The following FMNL2 variants were observed in gnomAD, a reference collection of about 807,000 sequenced individuals.
The protein encoded by FMNL2 is formin-like protein 2.
FMNL2 carries 51 observed loss-of-function variants against 130.2 expected under a neutral mutation model. The observed-to-expected ratio is 0.39, with a 90% CI of 0.31 to 0.49. The LOEUF (loss-of-function observed/expected upper bound fraction) is 0.49, where lower values mean the gene tolerates loss of function less well. Among genes scored for constraint, FMNL2 ranks in the 20% least tolerant of loss-of-function variants. The pLI is 0.85. For missense variants in FMNL2, 977 were observed against 1,316.2 expected, an observed-to-expected ratio of 0.74 and a Z score of 3.99; for synonymous variants, 465 against 467.1, an observed-to-expected ratio of 1.00 and a Z score of 0.06.
chr2:152,607,174 C>T (rs1302731356), intron 9 of FMNL2, among the ~76,000 whole-genome samples, 165 bp from the exon 10 acceptor site: 4 of 151,980 alleles, frequency 2.6e-5, no homozygotes. Flanking sequence ...GGTTGCAGCT[C>T]ATATGGCTGT....
At chr2:152,396,694 T>A (rs1424254719) in intron 1 of FMNL2, among the ~76,000 whole-genome samples, 1 of 152,160 alleles carries the variant, frequency 6.6e-6, no homozygotes, top group Non-Finnish European at 1.5e-5. Flanking sequence ...AACTCTCCCC[T>A]CTCTCCCCTC....
At chr2:152,629,619 C>G (rs373226075) in intron 18 of FMNL2, 37 bp from the exon 19 acceptor site, 1 of 1,548,304 alleles carries the variant, frequency 6.5e-7, no homozygotes, top group African/African-American at 1.4e-5. Flanking sequence ...TTTAACATGT[C>G]TTTTTTCCCC....
At chr2:152,504,335 C>T (rs1244748916) in intron 1 of FMNL2, among the ~76,000 whole-genome samples, 3 of 151,660 alleles carry the variant, frequency 2.0e-5, no homozygotes, top group Non-Finnish European at 4.4e-5. Context: ...CAACCTCTGC[C>T]TCCTAGGTTC....
intron 1 of FMNL2, among the ~76,000 whole-genome samples, chr2:152,407,337 C>T (rs1259204751): frequency 6.6e-6 from 1 of 151,964 alleles, no homozygotes; most frequent in Non-Finnish European, 1.5e-5. Flanking sequence ...TATTTGTTTC[C>T]CTTTTCATTT....
intron 20 of FMNL2, 133 bp from the exon 21 acceptor site, chr2:152,631,875 C>T (rs180987830): frequency 2.1e-6 from 2 of 971,344 alleles, no homozygotes; most frequent in East Asian, 2.7e-5. Flanking sequence ...CCTGACCCTC[C>T]TCTGGGAATG....
At chr2:152,441,326 A>G (rs529742270) in intron 1 of FMNL2, among the ~76,000 whole-genome samples, 6 of 152,370 alleles carry the variant, frequency 3.9e-5, no homozygotes, top group Non-Finnish European at 7.3e-5. Context: ...AGTTCGCTAG[A>G]TAATAGTGAT....
chr2:152,491,909 C>T (rs1352299699), intron 1 of FMNL2, among the ~76,000 whole-genome samples: 1 of 152,202 alleles, frequency 6.6e-6, no homozygotes. Flanking sequence ...TGAGATTGTG[C>T]TACTGCACTC....
intron 20 of FMNL2, 149 bp from the exon 21 acceptor site, chr2:152,631,859 T>C: frequency 2.4e-6 from 2 of 823,022 alleles, no homozygotes; most frequent in Non-Finnish European, 3.6e-6. Context: ...AAGGAACAAA[T>C]GGAATCCTGA....
At chr2:152,469,210 G>T (rs1049985522) in intron 1 of FMNL2, among the ~76,000 whole-genome samples, 3 of 152,136 alleles carry the variant, frequency 2.0e-5, no homozygotes, top group Admixed American at 6.5e-5. Flanking sequence ...TTGCCTTCTT[G>T]TCTGCTGCTC....
chr2:152,473,605 A>G (rs1689971026), intron 1 of FMNL2, among the ~76,000 whole-genome samples: 1 of 152,332 alleles, frequency 6.6e-6, no homozygotes, highest in African/African-American at 2.4e-5. Flanking sequence ...TATTAGTCAA[A>G]AGTTCCTTTT....
chr2:152,631,343 A>G (rs1682147421), intron 20 of FMNL2, among the ~76,000 whole-genome samples: 1 of 148,972 alleles, frequency 6.7e-6, no homozygotes, highest in Non-Finnish European at 1.5e-5. Context: ...TAGTGAGCCA[A>G]GATTGTGCCA....
At chr2:152,448,116 C>T (rs532710903) in intron 1 of FMNL2, among the ~76,000 whole-genome samples, 10 of 151,728 alleles carry the variant, frequency 6.6e-5, no homozygotes, top group African/African-American at 1.7e-4. Context: ...CCATTGAATT[C>T]GTCAAAACAT....
chr2:152,550,013 T>G (rs1456484071), intron 4 of FMNL2, among the ~76,000 whole-genome samples: 8 of 152,206 alleles, frequency 5.3e-5, no homozygotes, highest in African/African-American at 1.9e-4. Flanking sequence ...TTTTACAGAG[T>G]ATGCTGTAAC....
At chr2:152,538,696 A>G (rs1694141990) in intron 2 of FMNL2, among the ~76,000 whole-genome samples, 1 of 152,184 alleles carries the variant, frequency 6.6e-6, no homozygotes. Flanking sequence ...AGGGACCCAA[A>G]TAAAAGTGTT....
At chr2:152,647,263 T>TTTTG (rs1263920469) in intron 25 of FMNL2, among the ~76,000 whole-genome samples, 2 of 152,338 alleles carry the variant, frequency 1.3e-5, no homozygotes, top group East Asian at 1.9e-4. Context: ...TTGAACATCA[T>TTTTG]TTTGTTTAAA....
At chr2:152,551,921 A>G (rs1694959219) in intron 4 of FMNL2, among the ~76,000 whole-genome samples, 1 of 152,192 alleles carries the variant, frequency 6.6e-6, no homozygotes, top group South Asian at 2.1e-4. Context: ...AGGCAGAAGG[A>G]TCAATTGAGC....
intron 1 of FMNL2, among the ~76,000 whole-genome samples, chr2:152,419,125 A>T (rs979588061): frequency 6.6e-6 from 1 of 151,392 alleles, no homozygotes; most frequent in African/African-American, 2.4e-5. Context: ...ATATTTTGTC[A>T]TGTTCTCTTT....
intron 1 of FMNL2, among the ~76,000 whole-genome samples, chr2:152,346,619 A>T (rs1305526386): frequency 6.6e-6 from 1 of 151,928 alleles, no homozygotes; most frequent in Non-Finnish European, 1.5e-5. Context: ...TAATCATGCC[A>T]CTGTACTACG....
chr2:152,624,373 G>A (rs2105913571), intron 15 of FMNL2, among the ~76,000 whole-genome samples: 1 of 151,860 alleles, frequency 6.6e-6, no homozygotes, highest in South Asian at 2.1e-4. Context: ...GGCCAGGCTG[G>A]TCTTGAACTT....
Sources: gnomAD v4.1 joint callset for allele counts (sites outside exome capture counted in the v4.1 genomes callset) on GRCh38, gnomAD v4.1.1 for gene constraint, MANE v1.5 for transcripts, NCBI Gene and HGNC (gene_info 2026-07-23, HGNC 2026-07-21) for gene names.